Variants in TTC28 observed in about 807,000 individuals in gnomAD.
The protein encoded by TTC28 is tetratricopeptide repeat protein 28.
In TTC28, 61 loss-of-function variants were observed where a neutral mutation model predicts 198.0. That is an observed-to-expected ratio of 0.31 (90% CI 0.25 to 0.38). TTC28 has a LOEUF of 0.38. Ranked by LOEUF, TTC28 falls within the 10% of genes least tolerant of loss-of-function variation. The pLI, the probability that TTC28 is intolerant of heterozygous loss-of-function variation, is 1.00. For synonymous variants in TTC28, 1,171 were observed against 1,297.8 expected (o/e 0.90, Z 2.10); for missense variants, 2,678 against 3,164.0 (o/e 0.85, Z 3.69).
At chr22:28,567,479 C>CATATATATATATATATAT (rs398040471) in intron 2 of TTC28, among the ~76,000 whole-genome samples, 1,485 of 50,978 alleles carry the variant, frequency 0.029, 182 homozygotes, top group East Asian at 0.05. Flanking sequence ...TACATACATA[C>CATATATATATATATATAT]ATATATATAT....
chr22:28,211,336 G>C (rs1654680290), intron 5 of TTC28, among the ~76,000 whole-genome samples: 1 of 152,086 alleles, frequency 6.6e-6, no homozygotes, highest in Non-Finnish European at 1.5e-5. Context: ...ACACAGACTG[G>C]CAAATTGGAT....
chr22:28,449,769 T>C lies in TTC28; in HGVS notation c.382-143126A>G, dbSNP rs566895024. On this transcript the variant is annotated intron_variant, in intron 2 of 22. Transcript: ENST00000397906. ...AACAAAGACAGGAAGGCCAAATAAG[T>C]TTCTGTTGCAACAGAACAATAAGGA... 1.1e-4 allele frequency among the ~76,000 whole-genome samples: 17 copies of C among 152,280 alleles called. 1 individual carries two copies. The highest frequency in any genetic ancestry group is 3.8e-4 in the African/African-American group (16 of 41,568).
At chr22:28,515,223 TTTAAAG>T (rs1332039759) in intron 2 of TTC28, among the ~76,000 whole-genome samples, 4 of 152,344 alleles carry the variant, frequency 2.6e-5, no homozygotes, top group East Asian at 3.9e-4. Flanking sequence ...TTTTTTCTAA[TTTAAAG>T]TTAAACATCC....
chr22:28,428,408 T>G (rs1437441619), intron 2 of TTC28, among the ~76,000 whole-genome samples: 1 of 152,116 alleles, frequency 6.6e-6, no homozygotes, highest in Non-Finnish European at 1.5e-5. Context: ...GTTCAATGCT[T>G]AGCTCTTATC....
intron 2 of TTC28, among the ~76,000 whole-genome samples, chr22:28,445,253 A>G (rs895476810): frequency 3.3e-5 from 5 of 152,254 alleles, no homozygotes; most frequent in African/African-American, 1.2e-4. Flanking sequence ...TAGGATAGAA[A>G]GGTATAAGAC....
chr22:28,552,626 G>A (rs2049695385), intron 2 of TTC28, among the ~76,000 whole-genome samples: 1 of 152,126 alleles, frequency 6.6e-6, no homozygotes, highest in African/African-American at 2.4e-5. Flanking sequence ...CATAAAGTGG[G>A]GAAAGGACGA....
chr22:28,255,448 G>A (rs985257005), intron 5 of TTC28, among the ~76,000 whole-genome samples: 6 of 151,982 alleles, frequency 3.9e-5, no homozygotes, highest in Non-Finnish European at 7.4e-5. Context: ...TTCGGGAGGC[G>A]AGGTGGGTGG....
At chr22:28,148,612 CAAA>C (rs35433132) in intron 6 of TTC28, among the ~76,000 whole-genome samples, 6 of 74,962 alleles carry the variant, frequency 8.0e-5, no homozygotes, top group Non-Finnish European at 5.6e-5. Context: ...GACTCTGTCT[CAAA>C]AAAAAAAAAA....
chr22:28,473,719 C>T (rs117793227), intron 2 of TTC28, among the ~76,000 whole-genome samples: 218 of 152,314 alleles, frequency 1.4e-3, no homozygotes, highest in Middle Eastern at 6.8e-3. Flanking sequence ...TTGGGCAAAG[C>T]CAAGAACCCT....
chr22:28,353,264 CTACTCACAAA>C (rs1211217385), intron 2 of TTC28, among the ~76,000 whole-genome samples: 3 of 152,018 alleles, frequency 2.0e-5, no homozygotes, highest in Non-Finnish European at 4.4e-5. Context: ...TATTTTTGGA[CTACTCACAAA>C]TTTTTTCAAG....
intron 2 of TTC28, among the ~76,000 whole-genome samples, chr22:28,447,086 T>G (rs940484991): frequency 5.3e-5 from 8 of 152,326 alleles, no homozygotes; most frequent in Admixed American, 3.3e-4. Context: ...TCCAGGGTTC[T>G]TTCTTATAAA....
At chr22:28,019,857 A>T (rs1938521317) in intron 13 of TTC28, among the ~76,000 whole-genome samples, 2 of 152,182 alleles carry the variant, frequency 1.3e-5, no homozygotes, top group Admixed American at 1.3e-4. Flanking sequence ...ACATGGCAGG[A>T]GCGTGAGCCG....
In TTC28 at chr22:28,465,392, G is replaced by A. The variant is rs149931189; in HGVS notation, c.382-158749C>T. 3.9e-4 allele frequency among the ~76,000 whole-genome samples: 60 copies of A among 152,194 alleles called. No individual in the cohort carries two copies. The East Asian group carries it at 6.4e-3, about 16-fold the overall frequency. Reference sequence around the variant, plus strand: ...TGTAATCCTAGCACTTTGGGAGGCCGAGGCAGGCGGATCACAAGGTTAGGA... The same window carrying A: ...TGTAATCCTAGCACTTTGGGAGGCCAAGGCAGGCGGATCACAAGGTTAGGA... On this transcript the variant is annotated intron_variant, in intron 2 of 22. Coordinates refer to ENST00000397906, the MANE Select transcript of TTC28 (RefSeq NM_001145418.2).
chr22:28,497,997 G>A (rs907064805), intron 2 of TTC28, among the ~76,000 whole-genome samples: 1 of 152,156 alleles, frequency 6.6e-6, no homozygotes, highest in African/African-American at 2.4e-5. Context: ...TGGGGGCTGA[G>A]TAACTGGGGT....
intron 3 of TTC28, among the ~76,000 whole-genome samples, chr22:28,304,365 T>C (rs2045093161): frequency 6.6e-6 from 1 of 151,952 alleles, no homozygotes; most frequent in African/African-American, 2.4e-5. Flanking sequence ...GTCATTAAGA[T>C]GTGGGATGAT....
At chr22:28,352,025 C>T (rs2046003983) in intron 2 of TTC28, among the ~76,000 whole-genome samples, 1 of 152,112 alleles carries the variant, frequency 6.6e-6, no homozygotes, top group Non-Finnish European at 1.5e-5. Flanking sequence ...CCCTCTACAA[C>T]CCACCCTCTA....
chr22:28,453,075 G>A (rs1411980159), intron 2 of TTC28, among the ~76,000 whole-genome samples: 1 of 152,196 alleles, frequency 6.6e-6, no homozygotes, highest in Non-Finnish European at 1.5e-5. Context: ...CCTGTATACA[G>A]TTATGGATGA....
At chr22:28,147,726 G>A (rs1038564171) in intron 6 of TTC28, among the ~76,000 whole-genome samples, 2 of 152,160 alleles carry the variant, frequency 1.3e-5, no homozygotes, top group Non-Finnish European at 2.9e-5. Flanking sequence ...ATTAAACAAT[G>A]AATCGCTGCA....
At chr22:27,988,414 A>T (rs577829751) in intron 21 of TTC28, among the ~76,000 whole-genome samples, 5 of 150,696 alleles carry the variant, frequency 3.3e-5, no homozygotes, top group Non-Finnish European at 7.4e-5. Flanking sequence ...CAGCCTCCTG[A>T]GTAGCTGGGA....
Sources: allele counts gnomAD v4.1 joint callset (sites outside exome capture counted in the v4.1 genomes callset), GRCh38; gene constraint gnomAD v4.1.1; transcripts MANE v1.5; gene names NCBI Gene and HGNC (gene_info 2026-07-23, HGNC 2026-07-21).